The following PBX3 variants were observed in gnomAD, a reference collection of about 807,000 sequenced individuals.
PBX3 encodes PBX homeobox 3, also known as pre-B-cell leukemia transcription factor 3.
A neutral mutation model predicts 48.5 loss-of-function variants in PBX3; 14 were observed. The ratio of observed to expected loss-of-function variants is 0.29; its 90% CI spans 0.19 to 0.45. PBX3 has a LOEUF of 0.45. Ranked by LOEUF, PBX3 falls within the 20% of genes least tolerant of loss-of-function variation. PBX3 has a pLI of 1.00. For missense variants in PBX3, 386 were observed against 546.7 expected (o/e 0.71, Z 2.93); for synonymous variants, 210 against 200.3 (o/e 1.05, Z -0.41).
intron 5 of PBX3, chr9:125,949,483 G>A (rs776682777): frequency 1.3e-6 from 2 of 1,550,018 alleles, no homozygotes; most frequent in Non-Finnish European, 8.7e-7. Context: ...CCAGGGAGGG[G>A]CATGAGGGTG....
At chr9:125,840,680 T>A (rs1360127725) in intron 2 of PBX3, among the ~76,000 whole-genome samples, 1 of 152,074 alleles carries the variant, frequency 6.6e-6, no homozygotes, top group Non-Finnish European at 1.5e-5. Flanking sequence ...ACTTGAAAAC[T>A]GTTAGTTTTA....
At chr9:125,852,029 T>G (rs1164767263) in intron 2 of PBX3, among the ~76,000 whole-genome samples, 2 of 152,112 alleles carry the variant, frequency 1.3e-5, no homozygotes, top group African/African-American at 4.8e-5. Context: ...GAGAAGATGA[T>G]AACCTGTTTA....
intron 5 of PBX3, among the ~76,000 whole-genome samples, chr9:125,942,686 A>C (rs1247988765): frequency 2.0e-5 from 3 of 152,236 alleles, no homozygotes; most frequent in Non-Finnish European, 4.4e-5. Flanking sequence ...TTGAAGGAAA[A>C]GGCAGCTATT....
At chr9:125,911,141 C>T (rs1841194841) in intron 2 of PBX3, among the ~76,000 whole-genome samples, 1 of 152,098 alleles carries the variant, frequency 6.6e-6, no homozygotes, top group Admixed American at 6.6e-5. Context: ...AATTATATCC[C>T]AGTTTTCACA....
intron 2 of PBX3, among the ~76,000 whole-genome samples, chr9:125,913,012 A>G (rs1841238938): frequency 6.6e-6 from 1 of 152,182 alleles, no homozygotes; most frequent in Non-Finnish European, 1.5e-5. Context: ...AAATAGAAAT[A>G]TTCAAATTGA....
At chr9:125,791,279 TTATCTGTCTGTC>T (rs1395247308) in intron 2 of PBX3, among the ~76,000 whole-genome samples, 5 of 134,582 alleles carry the variant, frequency 3.7e-5, no homozygotes, top group African/African-American at 1.4e-4. Flanking sequence ...ACATACATTT[TTATCTGTCTGTC>T]TGTCTGTCTG....
intron 2 of PBX3, among the ~76,000 whole-genome samples, chr9:125,889,951 C>G (rs1330388516): frequency 6.6e-6 from 1 of 151,298 alleles, no homozygotes; most frequent in Non-Finnish European, 1.5e-5. Flanking sequence ...CCGGCGGCCC[C>G]GGCTGCGCCC....
intron 2 of PBX3, among the ~76,000 whole-genome samples, chr9:125,914,913 G>A (rs942183977): frequency 1.3e-5 from 2 of 152,216 alleles, no homozygotes; most frequent in African/African-American, 4.8e-5. Context: ...ATGATCTATA[G>A]TACTCAGAAG....
intron 2 of PBX3, among the ~76,000 whole-genome samples, chr9:125,809,882 G>A (rs574810027): frequency 1.3e-5 from 2 of 152,140 alleles, no homozygotes; most frequent in Admixed American, 1.3e-4. Context: ...AACTTGAATG[G>A]GAAAGAAAAG....
Position 125,909,393 on chromosome 9 carries a change from C to T in PBX3, c.275-6293C>T, listed in dbSNP as rs1303760254. Among the ~76,000 whole-genome samples, 3 of 152,102 alleles carry T rather than the reference C, an allele frequency of 2.0e-5. 1 individual carries two copies. The highest frequency in any genetic ancestry group is 2.0e-4 in the Admixed American group (3 of 15,262). On this transcript the variant is annotated intron_variant, in intron 2 of 8. Coordinates refer to ENST00000373489, the MANE Select transcript of PBX3 (RefSeq NM_006195.6). ...GAATGAACACACCTTCCTGTGGTAG[C>T]AAGGAATGTAATAAATGTTTTCAAA...
intron 2 of PBX3, among the ~76,000 whole-genome samples, chr9:125,780,514 GC>G (rs1177639052): frequency 7.2e-6 from 1 of 139,438 alleles, no homozygotes; most frequent in African/African-American, 2.7e-5. Flanking sequence ...CGGGTGGGGG[GC>G]TAACTCCCCC....
At chr9:125,800,855 C>T (rs1477065467) in intron 2 of PBX3, among the ~76,000 whole-genome samples, 3 of 150,230 alleles carry the variant, frequency 2.0e-5, no homozygotes, top group Non-Finnish European at 2.9e-5. Context: ...CAGGTTCAAG[C>T]GATTCTCCTA....
chr9:125,950,190 C>T (rs180914843), intron 5 of PBX3, among the ~76,000 whole-genome samples: 103 of 152,330 alleles, frequency 6.8e-4, no homozygotes, highest in Non-Finnish European at 1.2e-3. Flanking sequence ...GGCCGCAAGG[C>T]TGACGTTTTA....
intron 2 of PBX3, among the ~76,000 whole-genome samples, chr9:125,888,794 T>C (rs937163231): frequency 8.5e-5 from 13 of 152,292 alleles, no homozygotes; most frequent in African/African-American, 2.9e-4. Flanking sequence ...GGCAGGCCAA[T>C]ATAGTAGTCT....
chr9:125,903,724 C>T (rs539425853), intron 2 of PBX3, among the ~76,000 whole-genome samples: 1 of 151,866 alleles, frequency 6.6e-6, no homozygotes, highest in South Asian at 2.1e-4. Context: ...TTTTAAATGA[C>T]CCAAAACCAA....
chr9:125,775,816 T>A (rs1258148233), intron 2 of PBX3, among the ~76,000 whole-genome samples: 1 of 152,246 alleles, frequency 6.6e-6, no homozygotes, highest in African/African-American at 2.4e-5. Context: ...TACATTGTTT[T>A]GGGTGGTATT....
intron 2 of PBX3, among the ~76,000 whole-genome samples, chr9:125,763,209 GA>G (rs1249362143): frequency 2.6e-5 from 4 of 152,064 alleles, no homozygotes; most frequent in East Asian, 3.8e-4. Flanking sequence ...CTTTGTGGGG[GA>G]AAAAAATTGT....
chr9:125,754,836 ACTGT>A (rs1489816265), intron 2 of PBX3, among the ~76,000 whole-genome samples: 3 of 152,098 alleles, frequency 2.0e-5, no homozygotes, highest in Non-Finnish European at 2.9e-5. Flanking sequence ...TTTTTGTATA[ACTGT>A]CTACGTAATA....
At chr9:125,896,874 T>G (rs1840781552) in intron 2 of PBX3, among the ~76,000 whole-genome samples, 2 of 152,008 alleles carry the variant, frequency 1.3e-5, no homozygotes, top group Admixed American at 1.3e-4. Flanking sequence ...GTTAGAACAT[T>G]CATATCCCCA....
Sources: gnomAD v4.1 joint callset for allele counts (sites outside exome capture counted in the v4.1 genomes callset) on GRCh38, gnomAD v4.1.1 for gene constraint, MANE v1.5 for transcripts, NCBI Gene and HGNC (gene_info 2026-07-23, HGNC 2026-07-21) for gene names.